ATRNL1: variants seen among roughly 807,000 people sequenced by gnomAD.
ATRNL1 encodes the protein attractin-like protein 1.
A neutral mutation model predicts 182.7 loss-of-function variants in ATRNL1; 95 were observed. That is an observed-to-expected ratio of 0.52 (90% CI 0.44 to 0.62). The LOEUF (loss-of-function observed/expected upper bound fraction) is 0.62, where lower values mean the gene tolerates loss of function less well. Ranked by LOEUF, ATRNL1 falls within the 20% of genes least tolerant of loss-of-function variation. ATRNL1 has a pLI of 0.00. For synonymous variants in ATRNL1, 576 were observed against 568.3 expected, an observed-to-expected ratio of 1.01 and a Z score of -0.19; for missense variants, 1,471 against 1,679.5, an observed-to-expected ratio of 0.88 and a Z score of 2.17.
intron 28 of ATRNL1, among the ~76,000 whole-genome samples, chr10:115,918,630 G>GGGATA (rs1952952179): frequency 6.6e-6 from 1 of 152,120 alleles, no homozygotes; most frequent in African/African-American, 2.4e-5. Context: ...ATGGCAAAAG[G>GGGATA]GGATAAAACA....
intron 18 of ATRNL1, among the ~76,000 whole-genome samples, chr10:115,323,877 A>G (rs1854725163): frequency 6.6e-6 from 1 of 151,820 alleles, no homozygotes; most frequent in African/African-American, 2.4e-5. Flanking sequence ...TCCCGGGTTC[A>G]CGCCATTCTC....
chr10:115,364,918 T>C (rs529270019), intron 19 of ATRNL1, among the ~76,000 whole-genome samples: 67 of 151,588 alleles, frequency 4.4e-4, no homozygotes, highest in Non-Finnish European at 8.2e-4. Context: ...TGGATTCAGT[T>C]TGCCAGTATT....
At chr10:115,715,670 AC>A (rs1947226757) in intron 26 of ATRNL1, among the ~76,000 whole-genome samples, 1 of 152,258 alleles carries the variant, frequency 6.6e-6, no homozygotes, top group Non-Finnish European at 1.5e-5. Context: ...CAATAAAAAA[AC>A]AGGTTAAAAA....
At position 115,789,243 on chromosome 10, in the gene ATRNL1, T is replaced by A. The variant is rs112868678; in HGVS notation, c.3904-58634T>A. On this transcript the variant is annotated intron_variant, in intron 27 of 28. Transcript: ENST00000355044. ...TTATTACCCAAGTATTTATCCCATG[T>A]AAATGAGAAAGGGTAGAAATAGGCA... Among the ~76,000 whole-genome samples, 993 of 152,326 alleles carry A rather than the reference T, an allele frequency of 6.5e-3. 10 individuals carry two copies. The highest frequency in any genetic ancestry group is 0.022 in the African/African-American group (932 of 41,568).
chr10:115,745,034 A>G (rs1948250318), intron 27 of ATRNL1, among the ~76,000 whole-genome samples: 3 of 152,108 alleles, frequency 2.0e-5, no homozygotes, highest in African/African-American at 4.8e-5. Flanking sequence ...GCTCATCACC[A>G]TGGAAAGCAA....
intron 8 of ATRNL1, among the ~76,000 whole-genome samples, chr10:115,202,179 A>G (rs1402425152): frequency 6.6e-6 from 1 of 151,270 alleles, no homozygotes; most frequent in African/African-American, 2.4e-5. Context: ...ATCTGCAAAC[A>G]GGGACAATTT....
intron 26 of ATRNL1, among the ~76,000 whole-genome samples, chr10:115,599,551 G>T (rs1246272588): frequency 6.6e-6 from 1 of 152,036 alleles, no homozygotes; most frequent in Non-Finnish European, 1.5e-5. Context: ...ATTCTACAAG[G>T]GCTTGGCAGT....
At chr10:115,584,214 T>C (rs1555008976) in intron 26 of ATRNL1, among the ~76,000 whole-genome samples, 1 of 145,680 alleles carries the variant, frequency 6.9e-6, no homozygotes, top group Admixed American at 7.0e-5. Context: ...AAAATTCTCT[T>C]TTTTGGTTGT....
intron 15 of ATRNL1, among the ~76,000 whole-genome samples, chr10:115,292,237 C>T (rs1348147176): frequency 1.3e-5 from 2 of 151,458 alleles, no homozygotes; most frequent in Non-Finnish European, 2.9e-5. Flanking sequence ...TATCTGGGTC[C>T]TCTCTCTTTC....
At chr10:115,136,034 G>GTT (rs34129705) in intron 5 of ATRNL1, among the ~76,000 whole-genome samples, 109 of 143,048 alleles carry the variant, frequency 7.6e-4, no homozygotes, top group Non-Finnish European at 1.1e-3. Flanking sequence ...TAATTAAATT[G>GTT]TTTTTTTTTT....
rs77805003 is a variant in ATRNL1 at position 115,782,197 on chromosome 10, C to T, written c.3903+54842C>T. 3.3e-3 allele frequency among the ~76,000 whole-genome samples: 508 copies of T among 152,270 alleles called. 2 individuals carry two copies. Among genetic ancestry groups the T allele is most frequent in the African/African-American group, 0.012 (478 of 41,556 alleles). ...GCCCAGATGTTCTTGAACCAGTAAA[C>T]ATTCTTCAATCTGAATCAGGTAAGA... On this transcript the variant is annotated intron_variant, in intron 27 of 28. Transcript: ENST00000355044.
At chr10:115,900,566 T>C (rs1555113386) in intron 28 of ATRNL1, among the ~76,000 whole-genome samples, 1 of 152,226 alleles carries the variant, frequency 6.6e-6, no homozygotes, top group Non-Finnish European at 1.5e-5. Flanking sequence ...GCTTTACATG[T>C]ATTAATGCAG....
intron 24 of ATRNL1, among the ~76,000 whole-genome samples, chr10:115,504,975 C>G (rs942721953): frequency 6.6e-6 from 1 of 151,712 alleles, no homozygotes; most frequent in African/African-American, 2.4e-5. Context: ...GTTTTATAAC[C>G]CAGAGCAGTT....
Position 115,823,636 on chromosome 10 carries a change from GACAA to G in ATRNL1, c.3904-24237_3904-24234del, listed in dbSNP as rs1369228455. Among the ~76,000 whole-genome samples the G allele has an allele frequency of 6.6e-5, 10 of 152,204 alleles. No individual in the cohort carries two copies. In the East Asian group the frequency reaches 1.7e-3, roughly 26 times the overall value. On this transcript the variant is annotated intron_variant, in intron 27 of 28. Coordinates refer to ENST00000355044, the MANE Select transcript of ATRNL1 (RefSeq NM_207303.4). ...ACAAGCATTCCATACACCAATAATAGACAAACAGAGAACCAAATCATGAGTGAAT... is the reference window on the plus strand; with the variant it reads ...ACAAGCATTCCATACACCAATAATAGACAGAGAACCAAATCATGAGTGAAT...
intron 26 of ATRNL1, among the ~76,000 whole-genome samples, chr10:115,597,114 T>G (rs1227601782): frequency 6.6e-6 from 1 of 152,170 alleles, no homozygotes; most frequent in Non-Finnish European, 1.5e-5. Context: ...TTTGATTATA[T>G]TTACTCCAAA....
intron 8 of ATRNL1, among the ~76,000 whole-genome samples, chr10:115,193,889 T>A (rs782032934): frequency 6.6e-6 from 1 of 152,078 alleles, no homozygotes; most frequent in Non-Finnish European, 1.5e-5. Flanking sequence ...TAGGTTTTGA[T>A]CTGTTTGTCT....
At chr10:115,662,701 T>G (rs1860768952) in intron 26 of ATRNL1, among the ~76,000 whole-genome samples, 1 of 152,190 alleles carries the variant, frequency 6.6e-6, no homozygotes, top group African/African-American at 2.4e-5. Flanking sequence ...TAAAAATTAC[T>G]TTTTAATGAT....
chr10:115,568,575 C>T (rs1555002576), intron 26 of ATRNL1, among the ~76,000 whole-genome samples: 1 of 151,780 alleles, frequency 6.6e-6, no homozygotes, highest in African/African-American at 2.4e-5. Context: ...AAGCTCTCAG[C>T]AAGTTCTTAA....
intron 13 of ATRNL1, among the ~76,000 whole-genome samples, chr10:115,272,563 T>G (rs1554913524): frequency 6.6e-6 from 1 of 152,200 alleles, no homozygotes; most frequent in African/African-American, 2.4e-5. Flanking sequence ...AAGAAAAATT[T>G]CGCTAATGAA....
Sources: allele counts gnomAD v4.1 joint callset (sites outside exome capture counted in the v4.1 genomes callset), GRCh38; gene constraint gnomAD v4.1.1; transcripts MANE v1.5; gene names NCBI Gene and HGNC (gene_info 2026-07-23, HGNC 2026-07-21).